Variants in HPSE2 observed in about 807,000 individuals in gnomAD.
HPSE2 encodes inactive heparanase-2.
In HPSE2, 38 loss-of-function variants were observed where a neutral mutation model predicts 60.5. The ratio of observed to expected loss-of-function variants is 0.63; its 90% CI spans 0.48 to 0.82. The LOEUF is 0.82. Among genes scored for constraint, HPSE2 ranks in the 40% least tolerant of loss-of-function variants. The probability of loss-of-function intolerance (pLI) is 0.00; values close to 1 mark genes in which losing one functional copy is unlikely to be tolerated. For synonymous variants in HPSE2, 295 were observed against 293.2 expected (o/e 1.01, Z -0.06); for missense variants, 713 against 740.4 (o/e 0.96, Z 0.43).
At chr10:98,691,994 G>A (rs1948088432) in intron 6 of HPSE2, among the ~76,000 whole-genome samples, 1 of 151,912 alleles carries the variant, frequency 6.6e-6, no homozygotes, top group South Asian at 2.1e-4. Context: ...GTGCCATTAT[G>A]GTAGAAGAGA....
At chr10:98,789,537 G>C (rs977593838) in intron 3 of HPSE2, among the ~76,000 whole-genome samples, 7 of 152,218 alleles carry the variant, frequency 4.6e-5, no homozygotes, top group African/African-American at 1.7e-4. Flanking sequence ...AATGCTGCCT[G>C]TCAGAGTTGT....
chr10:98,657,898 A>G (rs1388587870), intron 6 of HPSE2, among the ~76,000 whole-genome samples: 12 of 152,202 alleles, frequency 7.9e-5, no homozygotes, highest in African/African-American at 4.8e-5. Flanking sequence ...AAAAATTAAT[A>G]TAATCAGGAC....
chr10:98,749,259 A>G (rs903763305), intron 3 of HPSE2, among the ~76,000 whole-genome samples: 4 of 152,126 alleles, frequency 2.6e-5, no homozygotes, highest in Admixed American at 6.6e-5. Context: ...AAAAAATTGG[A>G]CATTCATTAA....
the HPSE2 span, among the ~76,000 whole-genome samples, chr10:99,241,001 G>T: frequency 8.6e-5 from 13 of 152,046 alleles, no homozygotes; most frequent in Non-Finnish European, 7.4e-5. Context: ...TATTTATTGA[G>T]ATCTCATGGT....
rs1190195649 is a variant in HPSE2 at position 98,822,722 on chromosome 10, G to A, written c.611-78666C>T. Among the ~76,000 whole-genome samples, 3 of 152,102 alleles carry A rather than the reference G, an allele frequency of 2.0e-5. No individual in the cohort carries two copies. In the East Asian group the frequency reaches 5.8e-4, roughly 29 times the overall value. On this transcript the variant is annotated intron_variant, in intron 3 of 11. Transcript: ENST00000370552. Reference sequence around the variant, plus strand: ...ACAAAAATGATAAAAGTAACAAGATGGGAGATAACGCTATGCAAACACTAA... The same window carrying A: ...ACAAAAATGATAAAAGTAACAAGATAGGAGATAACGCTATGCAAACACTAA...
At chr10:99,164,616 G>A (rs1846991784) in intron 2 of HPSE2, among the ~76,000 whole-genome samples, 1 of 152,050 alleles carries the variant, frequency 6.6e-6, no homozygotes, top group Admixed American at 6.6e-5. Flanking sequence ...AGTAGAAAGA[G>A]CTCAGAGAGG....
intron 4 of HPSE2, among the ~76,000 whole-genome samples, chr10:98,742,316 G>T (rs1949517772): frequency 6.6e-6 from 1 of 152,084 alleles, no homozygotes; most frequent in South Asian, 2.1e-4. Context: ...AGGAAAGTTG[G>T]ACATTTATTC....
intron 3 of HPSE2, among the ~76,000 whole-genome samples, chr10:98,816,642 G>A (rs903581917): frequency 6.6e-6 from 1 of 152,136 alleles, no homozygotes; most frequent in African/African-American, 2.4e-5. Context: ...CCAGCTGGAA[G>A]TACCCCAATT....
chr10:99,138,856 T>C (rs1302660813), intron 3 of HPSE2, among the ~76,000 whole-genome samples: 5 of 152,128 alleles, frequency 3.3e-5, no homozygotes, highest in Non-Finnish European at 5.9e-5. Context: ...CAAAACTGCA[T>C]GTTCTGCACA....
intron 6 of HPSE2, among the ~76,000 whole-genome samples, chr10:98,672,262 C>T (rs532607358): frequency 8.5e-5 from 13 of 152,116 alleles, no homozygotes; most frequent in Non-Finnish European, 1.8e-4. Flanking sequence ...CACCTTCATA[C>T]CAAAATACGA....
At chr10:98,806,461 A>G (rs1345083297) in intron 3 of HPSE2, among the ~76,000 whole-genome samples, 1 of 152,204 alleles carries the variant, frequency 6.6e-6, no homozygotes, top group South Asian at 2.1e-4. Context: ...ACTTAGAGTC[A>G]GCAAACTTGT....
At chr10:99,308,977 C>T in the HPSE2 span, among the ~76,000 whole-genome samples, 5 of 152,224 alleles carry the variant, frequency 3.3e-5, no homozygotes, top group Admixed American at 2.6e-4. Context: ...TTTGCTTCAG[C>T]CTCAAAGAGT....
the HPSE2 span, among the ~76,000 whole-genome samples, chr10:99,250,059 C>T: frequency 1.3e-5 from 2 of 150,610 alleles, no homozygotes; most frequent in African/African-American, 4.9e-5. Flanking sequence ...AGGAGAATCA[C>T]TTGAAACCGG....
intron 2 of HPSE2, among the ~76,000 whole-genome samples, chr10:99,192,419 C>T (rs749190109): frequency 6.6e-6 from 1 of 152,058 alleles, no homozygotes; most frequent in African/African-American, 2.4e-5. Context: ...CAGTGGAAAT[C>T]GTATGGGCCA....
intron 3 of HPSE2, among the ~76,000 whole-genome samples, chr10:99,058,752 T>G (rs1428036775): frequency 6.6e-6 from 1 of 152,028 alleles, no homozygotes; most frequent in Non-Finnish European, 1.5e-5. Context: ...CAAACATATA[T>G]GTGTTTGTGA....
intron 4 of HPSE2, among the ~76,000 whole-genome samples, chr10:98,731,546 C>A (rs912921368): frequency 1.9e-4 from 29 of 152,264 alleles, no homozygotes; most frequent in Middle Eastern, 6.8e-3. Flanking sequence ...TGCAACAACA[C>A]CACCAAAACT....
intron 3 of HPSE2, among the ~76,000 whole-genome samples, chr10:99,106,392 G>A (rs889606683): frequency 6.6e-6 from 1 of 151,966 alleles, no homozygotes; most frequent in Non-Finnish European, 1.5e-5. Context: ...TATTATAAAT[G>A]TTGGGTTTTA....
At position 98,457,639 on chromosome 10, in the gene HPSE2, T is replaced by C. The variant is rs890288101; in HGVS notation, c.*1935A>G. 1.3e-5 allele frequency: 2 copies of C among 151,900 alleles called. No homozygotes were observed. The highest frequency in any genetic ancestry group is 2.9e-5 in the Non-Finnish European group (2 of 68,166). 9.4% of individuals were successfully genotyped at this position (151,900 alleles called of 1,614,324 possible). A position where few individuals can be genotyped will look rare whatever the true frequency, so the allele number is the denominator to read the frequency against. ...GAACGACCTTTTAGTCTCATTTCTC[T>C]TTTCCTCTCTTTTCCTCACTTTGGC... On this transcript the variant is annotated 3_prime_UTR_variant, in exon 12 of 12. Transcript: ENST00000370552.
chr10:99,194,172 T>C (rs1848315734), intron 2 of HPSE2, among the ~76,000 whole-genome samples: 1 of 151,984 alleles, frequency 6.6e-6, no homozygotes, highest in Non-Finnish European at 1.5e-5. Context: ...TCCTAACTTA[T>C]TGGCAGCACA....
Sources: gnomAD v4.1 joint callset for allele counts (sites outside exome capture counted in the v4.1 genomes callset) on GRCh38, gnomAD v4.1.1 for gene constraint, MANE v1.5 for transcripts, NCBI Gene and HGNC (gene_info 2026-07-23, HGNC 2026-07-21) for gene names.